Variants in TMPRSS11F observed in about 807,000 individuals in gnomAD.
The protein encoded by TMPRSS11F is transmembrane protease serine 11F.
TMPRSS11F carries 47 observed loss-of-function variants against 60.2 expected under a neutral mutation model. The ratio of observed to expected loss-of-function variants is 0.78; its 90% CI spans 0.62 to 1.00. TMPRSS11F has a LOEUF of 1.00. Among genes scored for constraint, TMPRSS11F ranks in the 50% least tolerant of loss-of-function variants. The pLI, the probability that TMPRSS11F is intolerant of heterozygous loss-of-function variation, is 0.00. For missense variants in TMPRSS11F, 519 were observed against 522.9 expected (o/e 0.99, Z 0.07); for synonymous variants, 166 against 167.3 (o/e 0.99, Z 0.06).
intron 1 of TMPRSS11F, among the ~76,000 whole-genome samples, chr4:68,126,108 T>C (rs1047301373): frequency 4.6e-5 from 7 of 152,172 alleles, no homozygotes; most frequent in African/African-American, 1.7e-4. Flanking sequence ...TTTCCTCCTC[T>C]TCCTCCTATG....
At chr4:68,071,671 T>C (rs564109834) in intron 5 of TMPRSS11F, among the ~76,000 whole-genome samples, 2 of 152,292 alleles carry the variant, frequency 1.3e-5, no homozygotes, top group East Asian at 3.9e-4. Flanking sequence ...TGTAAGGTAG[T>C]TTGAATTTTA....
chr4:68,055,088 T>G (rs748356634), intron 9 of TMPRSS11F, among the ~76,000 whole-genome samples: 1 of 152,028 alleles, frequency 6.6e-6, no homozygotes, highest in Non-Finnish European at 1.5e-5. Flanking sequence ...AAATGCTCTG[T>G]GGCGCGAAGG....
At chr4:68,068,582 T>TG (rs1560395025) in intron 7 of TMPRSS11F, 36 bp downstream of exon 7, 2 of 1,584,422 alleles carry the variant, frequency 1.3e-6, no homozygotes, top group South Asian at 1.1e-5. Context: ...ATGAGGACTG[T>TG]GAAAAGAAGG....
rs79832388 is a variant in TMPRSS11F at position 68,057,714 on chromosome 4, T to C, written c.1158+1612A>G. ...AAAATTGGCAAAGGACTTAGATACC[T>C]CTCAAAAGAAGACATACAAATGACC... On this transcript the variant is annotated intron_variant, in intron 9 of 9. Transcript: ENST00000356291. Among the ~76,000 whole-genome samples, 1,379 of 152,118 alleles carry C rather than the reference T, an allele frequency of 9.1e-3. 27 individuals are homozygous for C. The highest frequency in any genetic ancestry group is 0.032 in the African/African-American group (1,311 of 41,494).
intron 2 of TMPRSS11F, among the ~76,000 whole-genome samples, chr4:68,092,919 G>A (rs11736146): frequency 0.42 from 64,109 of 151,904 alleles, 14,357 homozygotes; most frequent in Non-Finnish European, 0.52. Flanking sequence ...TATATATGAA[G>A]CATAACTATA....
intron 3 of TMPRSS11F, among the ~76,000 whole-genome samples, chr4:68,075,665 T>G (rs895412193): frequency 6.6e-6 from 1 of 152,076 alleles, no homozygotes; most frequent in Non-Finnish European, 1.5e-5. Flanking sequence ...TATAGGACAA[T>G]GAACCATTTT....
At chr4:68,110,932 A>C (rs190466580) in intron 1 of TMPRSS11F, among the ~76,000 whole-genome samples, 7 of 152,238 alleles carry the variant, frequency 4.6e-5, no homozygotes, top group African/African-American at 1.7e-4. Context: ...CAATGATGGA[A>C]ATGGACAGTA....
At chr4:68,059,490 A>C (rs185491010) in intron 8 of TMPRSS11F, 22 bp from the exon 9 acceptor site, 223 of 1,604,766 alleles carry the variant, frequency 1.4e-4, no homozygotes, top group Non-Finnish European at 1.8e-4. Context: ...ATGGATAAAA[A>C]AACAAATAAA....
chr4:68,072,890 G>A (rs1179666731), intron 4 of TMPRSS11F, among the ~76,000 whole-genome samples: 1 of 152,108 alleles, frequency 6.6e-6, no homozygotes, highest in Non-Finnish European at 1.5e-5. Flanking sequence ...GTGACAGGGA[G>A]GATCCTTTTG....
chr4:68,078,980 A>G (rs1723640326), intron 3 of TMPRSS11F, among the ~76,000 whole-genome samples: 1 of 151,524 alleles, frequency 6.6e-6, no homozygotes, highest in Non-Finnish European at 1.5e-5. Context: ...GTATAAGAAA[A>G]TATCAAGATT....
chr4:68,062,107 A>C, intron 8 of TMPRSS11F: 1 of 450,516 alleles, frequency 2.2e-6, no homozygotes, highest in Non-Finnish European at 4.4e-6. Flanking sequence ...TTTCATATTA[A>C]AGAACATTAC....
intron 2 of TMPRSS11F, among the ~76,000 whole-genome samples, chr4:68,094,596 A>G (rs1000725013): frequency 2.0e-5 from 3 of 151,314 alleles, no homozygotes; most frequent in Non-Finnish European, 4.4e-5. Flanking sequence ...ATAAATAAAT[A>G]AAATCAAGGT....
chr4:68,094,366 A>C (rs1724023964), intron 2 of TMPRSS11F, among the ~76,000 whole-genome samples: 5 of 127,750 alleles, frequency 3.9e-5, no homozygotes, highest in African/African-American at 1.4e-4. Flanking sequence ...ACATGGACAC[A>C]AGAAGGGGAA....
At chr4:68,058,655 A>T (rs1723093723) in intron 9 of TMPRSS11F, among the ~76,000 whole-genome samples, 1 of 152,224 alleles carries the variant, frequency 6.6e-6, no homozygotes, top group Non-Finnish European at 1.5e-5. Flanking sequence ...ACAAAGGCTG[A>T]GGAGAAAAAT....
At chr4:68,084,028 A>G (rs1313972005) in intron 3 of TMPRSS11F, among the ~76,000 whole-genome samples, 1 of 152,216 alleles carries the variant, frequency 6.6e-6, no homozygotes, top group Non-Finnish European at 1.5e-5. Flanking sequence ...GAATTTTATA[A>G]TACAGTTGGA....
chr4:68,099,993 A>G (rs1228483700), intron 1 of TMPRSS11F, among the ~76,000 whole-genome samples: 1 of 151,758 alleles, frequency 6.6e-6, no homozygotes, highest in Non-Finnish European at 1.5e-5. Context: ...AGGAGATTTT[A>G]TTAAGAAAGT....
intron 3 of TMPRSS11F, among the ~76,000 whole-genome samples, chr4:68,079,120 T>A (rs1428825299): frequency 7.6e-6 from 1 of 132,068 alleles, no homozygotes; most frequent in African/African-American, 2.6e-5. Flanking sequence ...AAGTATTAAT[T>A]CCATACTGCA....
rs1723107946 is a variant in TMPRSS11F at position 68,059,326 on chromosome 4, C to A, written c.1158G>T (p.Lys386Asn). 6.2e-7 allele frequency: 1 copy of A among 1,612,946 alleles called. No individual in the cohort carries two copies. Among genetic ancestry groups the A allele is most frequent in the Non-Finnish European group, 8.5e-7 (1 of 1,179,698 alleles). ...GFMEGKIDAC[K>N]GDSGGPLVYD... ...CTTTTGGCCTTGACTTTAAACTTAC[C>A]TTACATGCATCTATTTTTCCTTCCA... The change falls in exon 9 of 10, where the codon AAG becomes AAT. Residue 386 changes from lysine (K) to asparagine (N), a missense_variant and splice_region_variant. Physicochemically the swap from Lys to Asn is moderately conservative, Grantham distance 94. Coordinates refer to ENST00000356291, the MANE Select transcript of TMPRSS11F (RefSeq NM_207407.2).
At chr4:68,121,935 C>G (rs1405388773) in intron 1 of TMPRSS11F, among the ~76,000 whole-genome samples, 1 of 152,162 alleles carries the variant, frequency 6.6e-6, no homozygotes, top group Non-Finnish European at 1.5e-5. Context: ...GGAATGCTCC[C>G]TTCTAATGCC....
Sources: gnomAD v4.1 joint callset for allele counts (sites outside exome capture counted in the v4.1 genomes callset) on GRCh38, gnomAD v4.1.1 for gene constraint, MANE v1.5 for transcripts, NCBI Gene and HGNC (gene_info 2026-07-23, HGNC 2026-07-21) for gene names.